The following MYO1H variants were observed in gnomAD, a reference collection of about 807,000 sequenced individuals.
MYO1H encodes the protein unconventional myosin-Ih.
Under a neutral mutation model 149.3 loss-of-function variants are expected in MYO1H, and 118 were observed. That is an observed-to-expected ratio of 0.79 (90% CI 0.68 to 0.92). The LOEUF is 0.92. Ranked by LOEUF, MYO1H falls within the 40% of genes least tolerant of loss-of-function variation. The probability of loss-of-function intolerance (pLI) is 0.00; values close to 1 mark genes in which losing one functional copy is unlikely to be tolerated. For synonymous variants in MYO1H, 447 were observed against 465.2 expected (o/e 0.96, Z 0.50); for missense variants, 1,212 against 1,280.7 (o/e 0.95, Z 0.82).
At chr12:109,434,610 T>C (rs1871781271) in intron 20 of MYO1H, among the ~76,000 whole-genome samples, 1 of 152,228 alleles carries the variant, frequency 6.6e-6, no homozygotes. Flanking sequence ...TTCCTAGGAC[T>C]GCGTAACAGA....
At chr12:109,311,783 T>A in the MYO1H span, among the ~76,000 whole-genome samples, 103 of 152,326 alleles carry the variant, frequency 6.8e-4, no homozygotes, top group Non-Finnish European at 1.3e-3. Context: ...TTCTTCAGAT[T>A]CCCTATTAGC....
At chr12:109,436,088 T>A (rs150832517) in intron 21 of MYO1H, among the ~76,000 whole-genome samples, 138 of 152,276 alleles carry the variant, frequency 9.1e-4, no homozygotes, top group African/African-American at 3.1e-3. Context: ...TTCATGCTCC[T>A]CCTTAGCTGT....
At chr12:109,381,110 G>A (rs1016862308) in intron 1 of MYO1H, among the ~76,000 whole-genome samples, 9 of 152,166 alleles carry the variant, frequency 5.9e-5, no homozygotes, top group African/African-American at 1.7e-4. Context: ...GTATGAACGT[G>A]GCAGCTACCA....
At chr12:109,418,024 G>C (rs1871005059) in intron 15 of MYO1H, among the ~76,000 whole-genome samples, 2 of 151,734 alleles carry the variant, frequency 1.3e-5, no homozygotes, top group South Asian at 4.2e-4. Flanking sequence ...CACCGTGTTA[G>C]CCAGGATGGT....
chr12:109,415,323 A>T (rs917827618), intron 14 of MYO1H, among the ~76,000 whole-genome samples: 2 of 151,960 alleles, frequency 1.3e-5, no homozygotes, highest in Admixed American at 1.3e-4. Context: ...AAAAATACAA[A>T]AATTAGCCGG....
chr12:109,434,393 C>G lies in MYO1H; in HGVS notation c.2064-644C>G, dbSNP rs572185963. Among the ~76,000 whole-genome samples the G allele has an allele frequency of 1.7e-4, 26 of 152,280 alleles. 1 individual carries two copies. The South Asian group carries it at 5.4e-3, about 32-fold the overall frequency. On this transcript the variant is annotated intron_variant, in intron 20 of 31. Coordinates refer to ENST00000310903, the Ensembl canonical transcript of MYO1H. ...CCTGTAATCCCAGCTACTCGGGAGTCTGAGGCACGAGAATCATTTGAACCT... is the reference window on the plus strand; with the variant it reads ...CCTGTAATCCCAGCTACTCGGGAGTGTGAGGCACGAGAATCATTTGAACCT...
At chr12:109,370,573 G>A (rs1006392364) in intron 1 of MYO1H, among the ~76,000 whole-genome samples, 3 of 152,164 alleles carry the variant, frequency 2.0e-5, no homozygotes, top group Admixed American at 1.3e-4. Flanking sequence ...ACCGGGCTCT[G>A]TGCACAGTAA....
chr12:109,339,636 G>A, the MYO1H span, among the ~76,000 whole-genome samples: 13 of 152,192 alleles, frequency 8.5e-5, no homozygotes, highest in South Asian at 2.1e-4. Context: ...AAGAGCTCTT[G>A]CAAATAAATT....
At chr12:109,359,068 G>A (rs1868679340) in intron 1 of MYO1H, among the ~76,000 whole-genome samples, 1 of 152,102 alleles carries the variant, frequency 6.6e-6, no homozygotes, top group Non-Finnish European at 1.5e-5. Context: ...GTCTGTGCCC[G>A]GGAGATGGCC....
chr12:109,338,899 T>C, the MYO1H span, among the ~76,000 whole-genome samples: 2 of 152,154 alleles, frequency 1.3e-5, no homozygotes, highest in African/African-American at 2.4e-5. Flanking sequence ...TGAAGTGAAT[T>C]GATAAAGTCT....
At chr12:109,441,620 G>A in exon 26 of MYO1H, 1 of 1,608,924 alleles carries the variant, frequency 6.2e-7, no homozygotes, top group Non-Finnish European at 8.5e-7. Flanking sequence ...ACCAGATGCA[G>A]CAAAAGGTAG....
rs1870692628 is a variant in MYO1H, at chr12:109,411,895, AT to A, written c.1413del (p.Asp471GlufsTer13). On this transcript the variant is annotated frameshift_variant and splice_region_variant, in exon 14 of 32. Transcript: ENST00000310903. LOFTEE classifies it high-confidence loss of function. The stretch of plus-strand genomic sequence containing the variant: ...GAGGCTTCTCTTTTTCTTTTGAAGG[AT>A]GAAGAATGCATTCGGCCTGGTCCTG... The A allele has an allele frequency of 3.8e-6, 6 of 1,599,378 alleles. No individual in the cohort carries two copies. The highest frequency in any genetic ancestry group is 5.1e-6 in the Non-Finnish European group (6 of 1,172,770).
the MYO1H span, among the ~76,000 whole-genome samples, chr12:109,312,765 T>G: frequency 2.1e-5 from 3 of 142,632 alleles, no homozygotes; most frequent in African/African-American, 8.2e-5. Context: ...CCAAGGTTTT[T>G]TTTGTTTGTT....
chr12:109,345,395 C>A (rs1242654590), upstream of MYO1H, among the ~76,000 whole-genome samples: 1 of 152,014 alleles, frequency 6.6e-6, no homozygotes, highest in Non-Finnish European at 1.5e-5. Flanking sequence ...TAAATCAAAA[C>A]CACAATGAGA....
At chr12:109,361,850 C>T (rs148108092) in intron 1 of MYO1H, among the ~76,000 whole-genome samples, 119 of 143,510 alleles carry the variant, frequency 8.3e-4, no homozygotes, top group African/African-American at 2.9e-3. Context: ...AGAAGAACCA[C>T]TAACCAGCAA....
At position 109,410,917 on chromosome 12, in the gene MYO1H, G is replaced by C. The variant is rs1870636335; in HGVS notation, c.1410+149G>C. 1.1e-5 allele frequency: 7 copies of C among 613,524 alleles called. No individual in the cohort carries two copies. In the South Asian group the frequency reaches 1.2e-4, roughly 10 times the overall value. The allele number at this position is 613,524 out of a possible 1,614,324, so 38.0% of individuals were successfully genotyped here. A position where few individuals can be genotyped will look rare whatever the true frequency, so the allele number is the denominator to read the frequency against. ...AACACTTTGGGAGGCCGAGGTGGGT[G>C]GATCACCTGAGGTCAGGAGTTAGAA... On this transcript the variant is annotated intron_variant, in intron 13 of 31. Coordinates refer to ENST00000310903, the Ensembl canonical transcript of MYO1H.
At chr12:109,406,693 C>A in intron 8 of MYO1H, 96 bp from the exon 9 acceptor site, 1 of 1,168,612 alleles carries the variant, frequency 8.6e-7, no homozygotes, top group Non-Finnish European at 1.3e-6. Context: ...CACATTCCCA[C>A]CTGGGTAACA....
At chr12:109,428,895 T>C (rs565739081) in intron 19 of MYO1H, among the ~76,000 whole-genome samples, 2 of 152,298 alleles carry the variant, frequency 1.3e-5, no homozygotes, top group South Asian at 4.2e-4. Context: ...TTTCTGAGGC[T>C]CATTCATTCT....
the MYO1H span, among the ~76,000 whole-genome samples, chr12:109,327,019 A>C: frequency 6.6e-6 from 1 of 152,142 alleles, no homozygotes; most frequent in African/African-American, 2.4e-5. Context: ...ATTAGAGTTT[A>C]AAATTTTGCT....
Sources: allele counts gnomAD v4.1 joint callset (sites outside exome capture counted in the v4.1 genomes callset), GRCh38; gene constraint gnomAD v4.1.1; transcripts MANE v1.5; gene names NCBI Gene and HGNC (gene_info 2026-07-23, HGNC 2026-07-21).